Variants in MDGA2 observed in about 807,000 individuals in gnomAD.
MDGA2 encodes the protein MAM domain containing glycosylphosphatidylinositol anchor 2.
In MDGA2, 40 loss-of-function variants were observed where a neutral mutation model predicts 117.8. That is an observed-to-expected ratio of 0.34 (90% CI 0.26 to 0.44). MDGA2 has a LOEUF of 0.44. MDGA2 is among the 20% of genes least tolerant of loss of function. The pLI, the probability that MDGA2 is intolerant of heterozygous loss-of-function variation, is 1.00. For missense variants in MDGA2, 1,123 were observed against 1,250.6 expected (o/e 0.90, Z 1.54); for synonymous variants, 452 against 439.0 (o/e 1.03, Z -0.37).
In MDGA2 at chr14:47,336,837, G is replaced by A. The variant is rs1204075843; in HGVS notation, c.281-35287C>T. Among the ~76,000 whole-genome samples, 7 of 151,834 alleles carry A rather than the reference G, an allele frequency of 4.6e-5. No homozygotes were observed. The East Asian group carries it at 9.7e-4, about 21-fold the overall frequency. ...CTTTTTTAGTTTCCTGAGTGTAAAA[G>A]AGTTCAGGCATCTTTTTTGACTTGT... On this transcript the variant is annotated intron_variant, in intron 1 of 16. Transcript: ENST00000399232.
chr14:47,292,087 C>T (rs72682142), intron 2 of MDGA2, among the ~76,000 whole-genome samples: 14,033 of 152,214 alleles, frequency 0.092, 782 homozygotes, highest in Non-Finnish European at 0.11. Context: ...AGCAGCTGCG[C>T]TGATTTGGTT....
intron 2 of MDGA2, among the ~76,000 whole-genome samples, chr14:47,287,260 C>T (rs1468958884): frequency 6.6e-6 from 1 of 151,830 alleles, no homozygotes; most frequent in African/African-American, 2.4e-5. Flanking sequence ...GAAGAGGTGA[C>T]AAATAAGGTG....
At chr14:47,655,639 C>A (rs1332921391) in intron 1 of MDGA2, among the ~76,000 whole-genome samples, 6 of 152,000 alleles carry the variant, frequency 3.9e-5, no homozygotes, top group Non-Finnish European at 8.8e-5. Flanking sequence ...GATGCACATT[C>A]CAAAATAAAA....
chr14:47,594,426 G>A (rs1010340768), intron 1 of MDGA2, among the ~76,000 whole-genome samples: 1 of 152,172 alleles, frequency 6.6e-6, no homozygotes, highest in Non-Finnish European at 1.5e-5. Flanking sequence ...ACAGTCCCAA[G>A]AAAGCAAAGC....
chr14:46,991,280 AT>A (rs1887084941), intron 8 of MDGA2, among the ~76,000 whole-genome samples: 1 of 152,162 alleles, frequency 6.6e-6, no homozygotes, highest in Admixed American at 6.6e-5. Context: ...TAAATCTTTT[AT>A]AGAATGTAAA....
chr14:47,228,242 C>A (rs545989714), intron 2 of MDGA2, among the ~76,000 whole-genome samples: 67 of 152,194 alleles, frequency 4.4e-4, no homozygotes, highest in African/African-American at 1.4e-3. Context: ...TAGTCATTTA[C>A]TAAATTTCCT....
intron 3 of MDGA2, among the ~76,000 whole-genome samples, chr14:47,197,082 GTTGATTCCCTGTCT>G (rs1885313699): frequency 6.6e-6 from 1 of 152,070 alleles, no homozygotes; most frequent in South Asian, 2.1e-4. Flanking sequence ...GGGTATCTAG[GTTGATTCCCTGTCT>G]TTGATATTGT....
intron 1 of MDGA2, among the ~76,000 whole-genome samples, chr14:47,440,138 G>A (rs112781213): frequency 6.0e-4 from 92 of 152,096 alleles, no homozygotes; most frequent in African/African-American, 2.1e-3. Context: ...CACATGTGTC[G>A]GCTCCAGTGT....
intron 1 of MDGA2, among the ~76,000 whole-genome samples, chr14:47,529,164 A>G (rs920158286): frequency 1.3e-5 from 2 of 151,840 alleles, no homozygotes; most frequent in Non-Finnish European, 2.9e-5. Context: ...ACACCTGGCT[A>G]ATTTTTTTTT....
At chr14:47,195,447 T>C (rs1885254371) in intron 3 of MDGA2, among the ~76,000 whole-genome samples, 1 of 151,998 alleles carries the variant, frequency 6.6e-6, no homozygotes, top group Non-Finnish European at 1.5e-5. Flanking sequence ...ATGCAGGGTG[T>C]ATTGGATGTG....
intron 1 of MDGA2, among the ~76,000 whole-genome samples, chr14:47,514,311 T>A (rs1253157827): frequency 1.3e-5 from 2 of 152,092 alleles, no homozygotes; most frequent in Non-Finnish European, 2.9e-5. Context: ...AATGTGACAC[T>A]GACGAGCCAT....
At chr14:47,278,368 C>G (rs1262961848) in intron 2 of MDGA2, among the ~76,000 whole-genome samples, 1 of 148,582 alleles carries the variant, frequency 6.7e-6, no homozygotes, top group Non-Finnish European at 1.5e-5. Flanking sequence ...GTATAGTGAT[C>G]AGATCAGGGT....
intron 1 of MDGA2, among the ~76,000 whole-genome samples, chr14:47,510,990 T>C (rs1309456942): frequency 2.0e-5 from 3 of 152,238 alleles, no homozygotes; most frequent in Non-Finnish European, 4.4e-5. Flanking sequence ...TGTTCTCTAT[T>C]CTGTTGCCCT....
At chr14:47,200,802 A>G (rs1171420946) in intron 3 of MDGA2, 4 of 806,282 alleles carry the variant, frequency 5.0e-6, no homozygotes, top group Non-Finnish European at 8.6e-6. Context: ...GCAGGCTTCA[A>G]ACGCACGACC....
intron 14 of MDGA2, among the ~76,000 whole-genome samples, chr14:46,859,602 C>T (rs1881424823): frequency 6.6e-6 from 1 of 152,108 alleles, no homozygotes; most frequent in African/African-American, 2.4e-5. Context: ...ATGGAGATCA[C>T]TCCATTAGTT....
rs549447349 is a variant in MDGA2 at position 47,590,715 on chromosome 14, T to C, written c.280+83802A>G. On this transcript the variant is annotated intron_variant, in intron 1 of 16. Transcript: ENST00000399232. ...TAAATGCTTGACATGATGGCTGATG[T>C]GATTATTGTACATTGTATGCCTGTA... Among the ~76,000 whole-genome samples, 5 of 152,106 alleles carry C rather than the reference T, an allele frequency of 3.3e-5. No individual in the cohort carries two copies. In the South Asian group the frequency reaches 1.0e-3, roughly 32 times the overall value.
At chr14:47,301,616 C>G in intron 1 of MDGA2, 66 bp from the exon 2 acceptor site, 1 of 1,511,772 alleles carries the variant, frequency 6.6e-7, no homozygotes, top group Non-Finnish European at 9.0e-7. Context: ...TCTCATGAAC[C>G]ATCTTGACTA....
intron 2 of MDGA2, among the ~76,000 whole-genome samples, chr14:47,271,040 T>C (rs943343375): frequency 6.6e-6 from 1 of 152,178 alleles, no homozygotes; most frequent in African/African-American, 2.4e-5. Context: ...GTAGGATTAC[T>C]AACTTTAGTC....
intron 5 of MDGA2, among the ~76,000 whole-genome samples, chr14:47,127,456 T>C (rs1190339490): frequency 2.0e-5 from 3 of 152,118 alleles, no homozygotes; most frequent in African/African-American, 4.8e-5. Context: ...CACCACCAGA[T>C]GGAAAAATTT....
Sources: gnomAD v4.1 joint callset for allele counts (sites outside exome capture counted in the v4.1 genomes callset) on GRCh38, gnomAD v4.1.1 for gene constraint, MANE v1.5 for transcripts, NCBI Gene and HGNC (gene_info 2026-07-23, HGNC 2026-07-21) for gene names.